ATP10B: variants seen among roughly 807,000 people sequenced by gnomAD.
ATP10B encodes the protein ATPase phospholipid transporting 10B (putative).
Under a neutral mutation model 141.2 loss-of-function variants are expected in ATP10B, and 122 were observed. The observed-to-expected ratio is 0.86, with a 90% CI of 0.75 to 1.00. The LOEUF (loss-of-function observed/expected upper bound fraction) is 1.00, where lower values mean the gene tolerates loss of function less well. Ranked by LOEUF, ATP10B falls within the 50% of genes least tolerant of loss-of-function variation. ATP10B has a pLI of 0.00. For synonymous variants in ATP10B, 685 were observed against 692.0 expected (o/e 0.99, Z 0.16); for missense variants, 1,876 against 1,825.3 (o/e 1.03, Z -0.51).
intron 24 of ATP10B, among the ~76,000 whole-genome samples, chr5:160,577,403 T>C (rs1321503592): frequency 1.3e-5 from 2 of 152,032 alleles, no homozygotes; most frequent in African/African-American, 4.8e-5. Context: ...TTATTGATAA[T>C]AATAATTAAA....
intron 6 of ATP10B, among the ~76,000 whole-genome samples, chr5:160,681,249 A>C (rs1250389390): frequency 6.6e-6 from 1 of 152,236 alleles, no homozygotes; most frequent in Non-Finnish European, 1.5e-5. Flanking sequence ...TTATTCTATT[A>C]ATGTGTAAAT....
In ATP10B at chr5:160,755,861, ATATATATATATATAT is replaced by A. The variant is rs1420851351; in HGVS notation, c.-331+29683_-331+29697del. ...AAAATATATATATATATATATATAT[ATATATATATATATAT>A]ATTATAATTTTATGGAACCACTGTC... On this transcript the variant is annotated intron_variant, in intron 2 of 25. Coordinates refer to ENST00000327245, the MANE Select transcript of ATP10B (RefSeq NM_025153.3). 2.5e-4 allele frequency among the ~76,000 whole-genome samples: 32 copies of A among 125,840 alleles called. 1 individual carries two copies. Among genetic ancestry groups the A allele is most frequent in the African/African-American group, 1.1e-3 (32 of 28,380 alleles). 82.6% of individuals were successfully genotyped at this position (125,840 alleles called of 152,430 possible). A position where few individuals can be genotyped will look rare whatever the true frequency, so the allele number is the denominator to read the frequency against.
At chr5:160,606,727 C>G in intron 19 of ATP10B, 38 bp downstream of exon 19, 1 of 1,586,234 alleles carries the variant, frequency 6.3e-7, no homozygotes, top group Non-Finnish European at 8.6e-7. Flanking sequence ...CAGATCATCC[C>G]TGCCAAAGTG....
In ATP10B at chr5:160,743,484, C is replaced by T. The variant is rs79928305; in HGVS notation, c.-330-26450G>A. Among the ~76,000 whole-genome samples, 505 of 152,118 alleles carry T rather than the reference C, an allele frequency of 3.3e-3. 1 individual carries two copies. Among genetic ancestry groups the T allele is most frequent in the East Asian group, 0.013 (65 of 5,180 alleles). Reference sequence around the variant, plus strand: ...TATAATTGTGGGAAGAAAAATCTGACGAAAGAAGGGAGTTGGAGGCAATAG... The same window carrying T: ...TATAATTGTGGGAAGAAAAATCTGATGAAAGAAGGGAGTTGGAGGCAATAG... On this transcript the variant is annotated intron_variant, in intron 2 of 25. Transcript: ENST00000327245.
chr5:160,782,477 A>ACT lies in ATP10B; in HGVS notation c.-331+3081_-331+3082insAG, dbSNP rs953397949. Among the ~76,000 whole-genome samples the ACT allele has an allele frequency of 4.1e-5, 6 of 145,450 alleles. No individual in the cohort carries two copies. The East Asian group carries it at 6.0e-4, about 15-fold the overall frequency. The stretch of plus-strand genomic sequence containing the variant: ...CACACACACACACACACACACACAC[A>ACT]CACTCACTCACTTTAGGAGCCCAGC... On this transcript the variant is annotated intron_variant, in intron 2 of 25. Transcript: ENST00000327245.
chr5:160,649,821 A>G (rs1166517771), intron 7 of ATP10B, among the ~76,000 whole-genome samples: 2 of 145,540 alleles, frequency 1.4e-5, no homozygotes, highest in South Asian at 4.1e-4. Context: ...AGGGTTTTAA[A>G]TATATATATC....
intron 1 of ATP10B, among the ~76,000 whole-genome samples, chr5:160,823,035 TAA>T (rs1359975455): frequency 8.9e-6 from 1 of 111,964 alleles, no homozygotes; most frequent in Non-Finnish European, 1.9e-5. Flanking sequence ...TATATATATA[TAA>T]AATAAAGAGT....
intron 1 of ATP10B, among the ~76,000 whole-genome samples, chr5:160,795,524 T>G (rs532042449): frequency 6.6e-6 from 1 of 152,210 alleles, no homozygotes; most frequent in African/African-American, 2.4e-5. Context: ...GTGAGAATAG[T>G]GGCCCCTAAA....
chr5:160,881,277 T>C, the ATP10B span, among the ~76,000 whole-genome samples: 1 of 152,150 alleles, frequency 6.6e-6, no homozygotes, highest in Non-Finnish European at 1.5e-5. Flanking sequence ...TCAAAATCCA[T>C]TGAATGACAA....
the ATP10B span, among the ~76,000 whole-genome samples, chr5:160,880,410 T>A: frequency 3.9e-5 from 6 of 152,022 alleles, no homozygotes; most frequent in Non-Finnish European, 8.8e-5. Flanking sequence ...CCATTCAAAA[T>A]TCCGAGAAGT....
chr5:160,918,332 CA>C, the ATP10B span, among the ~76,000 whole-genome samples: 1 of 152,306 alleles, frequency 6.6e-6, no homozygotes, highest in East Asian at 1.9e-4. Context: ...AACACATAAA[CA>C]GGGGGCTTGA....
intron 17 of ATP10B, 43 bp from the exon 18 acceptor site, chr5:160,612,968 G>C (rs763258660): frequency 1.2e-5 from 18 of 1,564,506 alleles, no homozygotes; most frequent in Middle Eastern, 4.4e-4. Flanking sequence ...TATCGTAAAA[G>C]AGTAGTTGCT....
the ATP10B span, among the ~76,000 whole-genome samples, chr5:160,917,510 T>C: frequency 6.6e-6 from 1 of 152,082 alleles, no homozygotes; most frequent in Non-Finnish European, 1.5e-5. Context: ...TCAGTAACAG[T>C]ATCCTGGTCA....
At chr5:160,672,984 G>A (rs1421955) in intron 6 of ATP10B, among the ~76,000 whole-genome samples, 98,762 of 152,054 alleles carry the variant, frequency 0.65, 32,691 homozygotes, top group Middle Eastern at 0.78. Flanking sequence ...CATTTGGAAG[G>A]CCAAGTCTAT....
In ATP10B at chr5:160,563,306, GA is replaced by G. The variant is rs1754355128; in HGVS notation, c.*2146del. 6.6e-6 allele frequency: 1 copy of G among 152,166 alleles called. No individual in the cohort carries two copies. Among genetic ancestry groups the G allele is most frequent in the Non-Finnish European group, 1.5e-5 (1 of 68,032 alleles). 9.4% of individuals were successfully genotyped at this position (152,166 alleles called of 1,614,324 possible). A position where few individuals can be genotyped will look rare whatever the true frequency, so the allele number is the denominator to read the frequency against. On this transcript the variant is annotated 3_prime_UTR_variant, in exon 26 of 26. Coordinates refer to ENST00000327245, the MANE Select transcript of ATP10B (RefSeq NM_025153.3). ...ATGGTCACAGTTGGCTTGATTTACA[GA>G]GGGGCAAGAGTAGGTGACCAGTTGT...
chr5:160,684,822 T>G (rs1291347850), intron 6 of ATP10B: 1 of 670,042 alleles, frequency 1.5e-6, no homozygotes, highest in South Asian at 1.6e-5. Context: ...TTCCCCAGAG[T>G]TTTTTGCTTT....
At chr5:160,918,863 G>C in the ATP10B span, among the ~76,000 whole-genome samples, 8 of 152,130 alleles carry the variant, frequency 5.3e-5, no homozygotes, top group African/African-American at 1.9e-4. Flanking sequence ...AAAGCTTAGA[G>C]GTAGAAAATG....
intron 3 of ATP10B, among the ~76,000 whole-genome samples, chr5:160,693,226 A>G (rs1468066157): frequency 6.6e-6 from 1 of 152,216 alleles, no homozygotes; most frequent in Non-Finnish European, 1.5e-5. Flanking sequence ...AAAGGGCATT[A>G]TTGGACAATG....
the ATP10B span, among the ~76,000 whole-genome samples, chr5:160,896,333 T>C: frequency 2.1e-3 from 321 of 151,784 alleles, 1 homozygote; most frequent in Non-Finnish European, 3.7e-3. Context: ...AAAAATCAAA[T>C]ATACACAATA....
Sources: allele counts gnomAD v4.1 joint callset (sites outside exome capture counted in the v4.1 genomes callset), GRCh38; gene constraint gnomAD v4.1.1; transcripts MANE v1.5; gene names NCBI Gene and HGNC (gene_info 2026-07-23, HGNC 2026-07-21).